The following MYCBP2 variants were observed in gnomAD, a reference collection of about 807,000 sequenced individuals.
MYCBP2 encodes E3 ubiquitin-protein ligase MYCBP2.
MYCBP2 carries 120 observed loss-of-function variants against 525.3 expected under a neutral mutation model. The ratio of observed to expected loss-of-function variants is 0.23; its 90% CI spans 0.20 to 0.27. The LOEUF is 0.27. MYCBP2 is among the 10% of genes least tolerant of loss of function. The pLI, the probability that MYCBP2 is intolerant of heterozygous loss-of-function variation, is 1.00. For synonymous variants in MYCBP2, 1,894 were observed against 1,955.8 expected, an observed-to-expected ratio of 0.97 and a Z score of 0.83; for missense variants, 4,149 against 5,657.1, an observed-to-expected ratio of 0.73 and a Z score of 8.55.
At chr13:77,078,710 A>G in intron 66 of MYCBP2, 114 bp downstream of exon 66, 1 of 789,708 alleles carries the variant, frequency 1.3e-6, no homozygotes, top group South Asian at 1.5e-5. Context: ...CTGTAAATAG[A>G]TAATTCCCTA....
At position 77,164,534 on chromosome 13, in the gene MYCBP2, A is replaced by G. The variant is rs1441720643; in HGVS notation, c.6467T>C (p.Ile2156Thr). The change falls in exon 43 of 83, where the codon ATC becomes ACC. Residue 2156 changes from isoleucine to threonine, a missense_variant. Ile to Thr is a moderately conservative substitution (Grantham distance 89). Around this residue, in one of 21 missense-constraint regions of MYCBP2, gnomAD observed 692 missense variants for 852.7 expected, o/e 0.81. Coordinates refer to ENST00000544440, the MANE Select transcript of MYCBP2 (RefSeq NM_015057.5). ...EFSPGPDEGV[I>T]QLEKELANLG... The stretch of plus-strand genomic sequence containing the variant: ...ATTGGCTAATTCTTTTTCCAATTGG[A>G]TGACTCCCTATGGAATTGCATAAAA... The G allele has an allele frequency of 6.2e-7, 1 of 1,602,698 alleles. No individual in the cohort carries two copies. Among genetic ancestry groups the G allele is most frequent in the Admixed American group, 1.7e-5 (1 of 59,968 alleles).
intron 21 of MYCBP2, among the ~76,000 whole-genome samples, chr13:77,212,883 A>G (rs1476863810): frequency 6.6e-6 from 1 of 152,142 alleles, no homozygotes; most frequent in Non-Finnish European, 1.5e-5. Context: ...CATTGACTCA[A>G]TAGATATTCT....
At chr13:77,083,003 T>C (rs763406243) in intron 63 of MYCBP2, 29 bp downstream of exon 63, 4 of 1,588,562 alleles carry the variant, frequency 2.5e-6, no homozygotes, top group African/African-American at 1.4e-5. Context: ...TTGTCCAATG[T>C]ACCTAGGATA....
Position 77,261,299 on chromosome 13 carries a change from G to C in MYCBP2, c.1724C>G (p.Pro575Arg), listed in dbSNP as rs1487372025. 1.2e-6 allele frequency: 2 copies of C among 1,612,906 alleles called. No homozygotes were observed. Among genetic ancestry groups the C allele is most frequent in the African/African-American group, 1.3e-5 (1 of 74,654 alleles). Residue 575 changes from proline (P) to arginine (R), a missense_variant, in exon 12 of 83, where the codon CCA becomes CGA. This residue lies in a region of MYCBP2 where 262 missense variants were observed against 419.3 expected (regional missense o/e 0.62). Coordinates refer to ENST00000544440, the MANE Select transcript of MYCBP2 (RefSeq NM_015057.5). ...TACTATCTTTGGAGATTTTGTAATTGGTAGCTCAACCCATTTTCCTGCTGA... is the reference window on the plus strand; with the variant it reads ...TACTATCTTTGGAGATTTTGTAATTCGTAGCTCAACCCATTTTCCTGCTGA... ...GPSAGKWVEL[P>R]ITKSPKIVHF...
rs758088962 is a variant in MYCBP2, at chr13:77,051,891, C to T, written c.13675G>A (p.Asp4559Asn). Residue 4559 changes from aspartate (D) to asparagine (N), a missense_variant, in exon 81 of 83, where the codon GAT (aspartate) becomes AAT (asparagine). Around this residue, in one of 21 missense-constraint regions of MYCBP2, gnomAD observed 24 missense variants for 24.9 expected, o/e 0.96. Coordinates refer to ENST00000544440, the MANE Select transcript of MYCBP2 (RefSeq NM_015057.5). ...KAYFGGEARCDAEAGRGDDYD... is the reference protein window; with the variant it reads ...KAYFGGEARCNAEAGRGDDYD... ...TCATCTCCCCGTCCAGCCTCAGCATCGCAGCGAGCTTCACCACCAAAATAT... is the reference window on the plus strand; with the variant it reads ...TCATCTCCCCGTCCAGCCTCAGCATTGCAGCGAGCTTCACCACCAAAATAT... 1.3e-5 allele frequency: 21 copies of T among 1,614,032 alleles called. 1 individual carries two copies. The highest frequency in any genetic ancestry group is 1.6e-4 in the Middle Eastern group (1 of 6,084).
intron 55 of MYCBP2, among the ~76,000 whole-genome samples, chr13:77,114,598 C>T (rs1455035107): frequency 1.3e-5 from 2 of 151,970 alleles, no homozygotes; most frequent in Non-Finnish European, 2.9e-5. Flanking sequence ...TTTTGTCCCA[C>T]ATAAGAATGT....
At chr13:77,293,184 T>C (rs933753664) in intron 2 of MYCBP2, among the ~76,000 whole-genome samples, 1 of 152,150 alleles carries the variant, frequency 6.6e-6, no homozygotes, top group African/African-American at 2.4e-5. Context: ...ATGAATTTGA[T>C]TTCTCCTGTA....
chr13:77,138,152 C>T (rs1197352691), intron 52 of MYCBP2, among the ~76,000 whole-genome samples: 3 of 152,140 alleles, frequency 2.0e-5, no homozygotes, highest in Admixed American at 1.3e-4. Context: ...AAGCAGTAAG[C>T]CAACACTCTA....
intron 26 of MYCBP2, among the ~76,000 whole-genome samples, chr13:77,202,735 T>G (rs1449128679): frequency 6.6e-6 from 1 of 152,108 alleles, no homozygotes; most frequent in Non-Finnish European, 1.5e-5. Flanking sequence ...CAAGGATGGT[T>G]CAATATATGC....
chr13:77,189,101 T>A, intron 29 of MYCBP2, 54 bp from the exon 30 acceptor site: 1 of 1,333,756 alleles, frequency 7.5e-7, no homozygotes, highest in Non-Finnish European at 1.0e-6. Context: ...TGTCATTTTT[T>A]CTTTTTAAAG....
chr13:77,094,836 T>C (rs1369952680), intron 58 of MYCBP2, among the ~76,000 whole-genome samples: 2 of 152,260 alleles, frequency 1.3e-5, no homozygotes, highest in East Asian at 1.9e-4. Context: ...ACTTCTATTG[T>C]AGCACTCCTC....
chr13:77,226,961 T>C (rs1311441203), intron 18 of MYCBP2, among the ~76,000 whole-genome samples: 1 of 152,052 alleles, frequency 6.6e-6, no homozygotes, highest in Non-Finnish European at 1.5e-5. Flanking sequence ...ATAAATAGAG[T>C]GTGGTTACCT....
intron 7 of MYCBP2, among the ~76,000 whole-genome samples, chr13:77,269,617 TTC>T (rs1333847606): frequency 1.3e-5 from 2 of 151,924 alleles, no homozygotes; most frequent in African/African-American, 4.8e-5. Context: ...CACAGCGAGA[TTC>T]TGTCTCAATT....
At chr13:77,228,997 C>A (rs2066742817) in intron 18 of MYCBP2, among the ~76,000 whole-genome samples, 1 of 152,126 alleles carries the variant, frequency 6.6e-6, no homozygotes, top group South Asian at 2.1e-4. Context: ...TAAAACAAAT[C>A]AGCAAGGACA....
chr13:77,307,652 A>T (rs977895648), intron 1 of MYCBP2, among the ~76,000 whole-genome samples: 2 of 149,458 alleles, frequency 1.3e-5, no homozygotes, highest in Non-Finnish European at 3.0e-5. Context: ...AAAAAAAAAA[A>T]AACTTCATTG....
chr13:77,167,218 T>A (rs2058648326), intron 40 of MYCBP2, among the ~76,000 whole-genome samples: 1 of 152,110 alleles, frequency 6.6e-6, no homozygotes, highest in Non-Finnish European at 1.5e-5. Flanking sequence ...TAAACATATA[T>A]ACATTTATGT....
At chr13:77,141,756 G>C (rs2054665757) in intron 49 of MYCBP2, among the ~76,000 whole-genome samples, 1 of 143,974 alleles carries the variant, frequency 6.9e-6, no homozygotes, top group African/African-American at 2.6e-5. Flanking sequence ...GTGCAACAGA[G>C]TGAGACTCTG....
rs1009335883 is a variant in MYCBP2, at chr13:77,244,350, A to G, written c.2382-399T>C. On this transcript the variant is annotated intron_variant, in intron 15 of 82. Transcript: ENST00000544440. ...ATGTTGCTGTCCAGCAGATAAGTGA[A>G]GGCAGGTGTTGGTAGCCTTCAGCAA... 2.0e-5 allele frequency among the ~76,000 whole-genome samples: 3 copies of G among 152,326 alleles called. No homozygotes were observed. In the East Asian group the frequency reaches 5.8e-4, roughly 29 times the overall value.
At position 77,081,874 on chromosome 13, in the gene MYCBP2, C is replaced by T. The variant is rs1001964695; in HGVS notation, c.11156G>A (p.Ser3719Asn). 2.5e-6 allele frequency: 4 copies of T among 1,613,592 alleles called. No individual in the cohort carries two copies. The highest frequency in any genetic ancestry group is 2.5e-6 in the Non-Finnish European group (3 of 1,179,712). Residue 3719 changes from serine to asparagine, a missense_variant, in exon 64 of 83, where the codon AGC becomes AAC. Physicochemically the swap from Ser to Asn is conservative, Grantham distance 46. Coordinates refer to ENST00000544440, the MANE Select transcript of MYCBP2 (RefSeq NM_015057.5). This position sits in a 1 kb window ranked among gnomAD's most constrained non-coding sequence, Gnocchi z 4.6. ...SDDGDSEESFSISIQSGFEAM... is the reference protein window; with the variant it reads ...SDDGDSEESFNISIQSGFEAM... The stretch of plus-strand genomic sequence containing the variant: ...TTCAAAGCCAGACTGTATACTGATG[C>T]TAAAACTCTCTTCACTATCGCCATC...
Sources: gnomAD v4.1 joint callset for allele counts (sites outside exome capture counted in the v4.1 genomes callset) on GRCh38, gnomAD v4.1.1 for gene constraint, gnomAD v4.1.1 regional missense constraint, Gnocchi (gnomAD v3.1) non-coding constraint, MANE v1.5 for transcripts, NCBI Gene and HGNC (gene_info 2026-07-23, HGNC 2026-07-21) for gene names.